Variants in ZZEF1 observed in about 807,000 individuals in gnomAD.
ZZEF1 encodes zinc finger ZZ-type and EF-hand domain containing 1.
In ZZEF1, 157 loss-of-function variants were observed where a neutral mutation model predicts 342.8. The ratio of observed to expected loss-of-function variants is 0.46; its 90% confidence interval spans 0.40 to 0.52. ZZEF1 has a LOEUF of 0.52. ZZEF1 is among the 20% of genes least tolerant of loss of function. The probability of loss-of-function intolerance (pLI) is 0.00; values close to 1 mark genes in which losing one functional copy is unlikely to be tolerated. For missense variants in ZZEF1, 3,480 were observed against 3,725.6 expected, an observed-to-expected ratio of 0.93 and a Z score of 1.72; for synonymous variants, 1,505 against 1,429.1, an observed-to-expected ratio of 1.05 and a Z score of -1.20.
Position 4,132,469 on chromosome 17 carries a change from T to C in ZZEF1, c.355-8418A>G, listed in dbSNP as rs1400532205. Among the ~76,000 whole-genome samples the C allele has an allele frequency of 5.3e-5, 8 of 151,678 alleles. No individual in the cohort carries two copies. In the East Asian group the frequency reaches 5.8e-4, roughly 11 times the overall value. Reference sequence around the variant, plus strand: ...ATCCCAGCACTTTGGGAGGTCAAGGTGGGCGGTTCACGAGGTCAGGGCATC... The same window carrying C: ...ATCCCAGCACTTTGGGAGGTCAAGGCGGGCGGTTCACGAGGTCAGGGCATC... On this transcript the variant is annotated intron_variant, in intron 1 of 54. Transcript: ENST00000381638.
intron 37 of ZZEF1, among the ~76,000 whole-genome samples, chr17:4,046,975 T>C (rs2056929434): frequency 6.6e-6 from 1 of 152,196 alleles, no homozygotes; most frequent in African/African-American, 2.4e-5. Context: ...CCCAATGGGA[T>C]ACAGTCCTTA....
At chr17:4,066,399 A>C in intron 28 of ZZEF1, 48 bp downstream of exon 28, 2 of 1,590,320 alleles carry the variant, frequency 1.3e-6, no homozygotes. Flanking sequence ...CAGGCTCTAA[A>C]ACGAAAACAG....
chr17:4,139,002 C>T (rs545192718), intron 1 of ZZEF1, among the ~76,000 whole-genome samples: 1 of 145,310 alleles, frequency 6.9e-6, no homozygotes, highest in Admixed American at 6.8e-5. Flanking sequence ...ATAACACCTC[C>T]TCAAGTAACT....
intron 34 of ZZEF1, among the ~76,000 whole-genome samples, chr17:4,053,799 A>T (rs933008012): frequency 2.0e-5 from 3 of 152,236 alleles, no homozygotes; most frequent in Non-Finnish European, 2.9e-5. Context: ...ACTCCACTGA[A>T]CATACATACA....
chr17:4,015,023 G>A (rs1017316980), intron 49 of ZZEF1, among the ~76,000 whole-genome samples: 2 of 152,192 alleles, frequency 1.3e-5, no homozygotes, highest in Non-Finnish European at 2.9e-5. Context: ...ATGAAAATGA[G>A]GCACTCAGAC....
chr17:4,035,423 G>C (rs1173525464), intron 39 of ZZEF1, among the ~76,000 whole-genome samples: 2 of 152,180 alleles, frequency 1.3e-5, no homozygotes, highest in Non-Finnish European at 2.9e-5. Flanking sequence ...AACTCAGAAG[G>C]CATCTAGGCA....
intron 39 of ZZEF1, among the ~76,000 whole-genome samples, chr17:4,036,078 C>CA (rs34564566): frequency 0.43 from 39,977 of 92,450 alleles, 7,594 homozygotes; most frequent in African/African-American, 0.53. Context: ...ACAGCCTGTC[C>CA]AAAAAAAAAA....
In ZZEF1 at chr17:4,017,601, G is replaced by C. The variant is rs1667520151; in HGVS notation, c.7771C>G (p.Leu2591Val). The C allele has an allele frequency of 6.2e-7, 1 of 1,614,266 alleles. No individual in the cohort carries two copies. Among genetic ancestry groups the C allele is most frequent in the Non-Finnish European group, 8.5e-7 (1 of 1,180,054 alleles). The change falls in exon 48 of 55, where the codon CTG becomes GTG. Residue 2591 changes from leucine to valine, a missense_variant. Physicochemically the swap from Leu to Val is conservative, Grantham distance 32. This residue lies in a region of ZZEF1 where 1,269 missense variants were observed against 1,342.4 expected (regional missense o/e 0.95). Transcript: ENST00000381638. This position sits in a 1 kb window ranked among gnomAD's most constrained non-coding sequence, Gnocchi z 5.1. ...KQRRSKSAAL[L>V]HKELNCKSKR... ...CTCTTGCAGTTCAGCTCCTTGTGCA[G>C]GAGGGCGGCGCTCTTGCTACGGCGC...
rs1351384535 is a variant in ZZEF1, at chr17:4,112,662, C to G, written c.1013G>C (p.Ser338Thr). ...CAGCGTCACATAGCCAGTGACATTGCTGGGGATGTGCACATCTCGGACTTC... is the reference window on the plus strand; with the variant it reads ...CAGCGTCACATAGCCAGTGACATTGGTGGGGATGTGCACATCTCGGACTTC... ...LQEVRDVHIPSNVTGYVTLLE... is the reference protein window; with the variant it reads ...LQEVRDVHIPTNVTGYVTLLE... The change falls in exon 5 of 55, where the codon AGC becomes ACC. Residue 338 changes from serine (S) to threonine (T), a missense_variant. By Grantham distance (58) the Ser-to-Thr change is moderately conservative. Coordinates refer to ENST00000381638, the MANE Select transcript of ZZEF1 (RefSeq NM_015113.4). The G allele has an allele frequency of 1.9e-6, 3 of 1,614,222 alleles. No homozygotes were observed. Among genetic ancestry groups the G allele is most frequent in the African/African-American group, 1.3e-5 (1 of 75,060 alleles).
chr17:4,099,162 A>T (rs1567840461), intron 9 of ZZEF1, among the ~76,000 whole-genome samples: 1 of 152,230 alleles, frequency 6.6e-6, no homozygotes, highest in Non-Finnish European at 1.5e-5. Context: ...CCTTAAAAAA[A>T]AAAATAAAAC....
chr17:4,085,833 C>A (rs1411774116), intron 15 of ZZEF1, 30 bp from the exon 16 acceptor site: 4 of 1,611,316 alleles, frequency 2.5e-6, no homozygotes, highest in East Asian at 4.5e-5. Flanking sequence ...CATCAGCTTT[C>A]ATATATTCCA....
At chr17:4,120,389 C>G (rs1206442333) in intron 2 of ZZEF1, among the ~76,000 whole-genome samples, 1 of 151,794 alleles carries the variant, frequency 6.6e-6, no homozygotes, top group African/African-American at 2.4e-5. Flanking sequence ...TTTAGAACCC[C>G]TTCTGGTATC....
chr17:4,085,574 C>T lies in ZZEF1; in HGVS notation c.2646+96G>A, dbSNP rs896511265. On this transcript the variant is annotated intron_variant, in intron 16 of 54. Transcript: ENST00000381638. ...ATATAATATTAATACACATCTGGGA[C>T]GTTGCAACAGACGATATATTCAGAG... The T allele has an allele frequency of 4.1e-5, 60 of 1,466,328 alleles. No individual in the cohort carries two copies. The East Asian group carries it at 1.2e-3, about 29-fold the overall frequency. 90.8% of individuals were successfully genotyped at this position (1,466,328 alleles called of 1,614,324 possible).
chr17:4,129,019 G>A (rs1017459913), intron 1 of ZZEF1, among the ~76,000 whole-genome samples: 2 of 151,848 alleles, frequency 1.3e-5, no homozygotes, highest in African/African-American at 4.8e-5. Context: ...TGCCCACCTC[G>A]GCCTCCCAAA....
At chr17:4,074,040 C>A (rs1413444047) in intron 24 of ZZEF1, 110 bp downstream of exon 24, 2 of 1,170,352 alleles carry the variant, frequency 1.7e-6, no homozygotes, top group East Asian at 2.3e-5. Context: ...ACTGAAAAGG[C>A]GTATTATTAA....
At chr17:4,093,152 A>G (rs1361097936) in intron 11 of ZZEF1, among the ~76,000 whole-genome samples, 1 of 152,184 alleles carries the variant, frequency 6.6e-6, no homozygotes, top group African/African-American at 2.4e-5. Context: ...CATCCTGTAT[A>G]AGATGTAAAA....
At chr17:4,067,979 G>A (rs1040377585) in intron 26 of ZZEF1, among the ~76,000 whole-genome samples, 19 of 152,184 alleles carry the variant, frequency 1.2e-4, no homozygotes, top group Non-Finnish European at 1.5e-5. Context: ...TAGGGAGGCT[G>A]AGGTAGGAAG....
At chr17:4,038,808 A>AAAACAAACAAAC (rs148859871) in intron 39 of ZZEF1, among the ~76,000 whole-genome samples, 4 of 151,280 alleles carry the variant, frequency 2.6e-5, no homozygotes, top group African/African-American at 9.8e-5. Context: ...TCTGTCTCAA[A>AAAACAAACAAAC]AAACAAACAA....
intron 33 of ZZEF1, among the ~76,000 whole-genome samples, chr17:4,054,465 G>C (rs1034095095): frequency 2.0e-5 from 3 of 152,226 alleles, no homozygotes; most frequent in African/African-American, 7.2e-5. Context: ...GAAGGTCAAA[G>C]AAGGTTTTCC....
Sources: gnomAD v4.1 joint callset for allele counts (sites outside exome capture counted in the v4.1 genomes callset) on GRCh38, gnomAD v4.1.1 for gene constraint, gnomAD v4.1.1 regional missense constraint, Gnocchi (gnomAD v3.1) non-coding constraint, MANE v1.5 for transcripts, NCBI Gene and HGNC (gene_info 2026-07-23, HGNC 2026-07-21) for gene names.